Variants in DNAH7 observed in about 807,000 individuals in gnomAD.
DNAH7 encodes axonemal beta dynein heavy chain 7.
In DNAH7, 397 loss-of-function variants were observed where a neutral mutation model predicts 444.6. That is an observed-to-expected ratio of 0.89 (90% confidence interval 0.82 to 0.97). The LOEUF is 0.97. Ranked by LOEUF, DNAH7 falls within the 50% of genes least tolerant of loss-of-function variation. DNAH7 has a pLI of 0.00. For synonymous variants in DNAH7, 1,636 were observed against 1,624.4 expected, an observed-to-expected ratio of 1.01 and a Z score of -0.17; for missense variants, 4,902 against 4,800.8, an observed-to-expected ratio of 1.02 and a Z score of -0.62.
chr2:195,871,439 C>T (rs1466254060), intron 40 of DNAH7, among the ~76,000 whole-genome samples: 1 of 152,150 alleles, frequency 6.6e-6, no homozygotes, highest in African/African-American at 2.4e-5. Flanking sequence ...GCTGGGATTA[C>T]AGGCATGAGC....
At chr2:196,053,936 T>G (rs139830556) in intron 2 of DNAH7, among the ~76,000 whole-genome samples, 2 of 152,268 alleles carry the variant, frequency 1.3e-5, no homozygotes, top group East Asian at 3.9e-4. Flanking sequence ...CTCACACCCA[T>G]GAAGCCCATG....
chr2:195,906,709 T>C lies in DNAH7; in HGVS notation c.4285A>G (p.Thr1429Ala). The C allele has an allele frequency of 1.2e-6, 2 of 1,613,484 alleles. No homozygotes were observed. Among genetic ancestry groups the C allele is most frequent in the Non-Finnish European group, 8.5e-7 (1 of 1,179,576 alleles). Residue 1429 changes from threonine to alanine, a missense_variant, in exon 27 of 65, where the codon ACA (threonine) becomes GCA (alanine). Thr to Ala is a moderately conservative substitution (Grantham distance 58). Transcript: ENST00000312428. Reference protein sequence around the residue: ...KLDPTCAVFITMNPGYAGRSE... With the variant: ...KLDPTCAVFIAMNPGYAGRSE... ...CGCCCAGCATACCCAGGGTTCATTG[T>C]TATAAAGACAGCACATGTGGGGTCA...
chr2:195,906,916 T>G lies in DNAH7; in HGVS notation c.4198A>C (p.Ile1400Leu). Residue 1400 changes from isoleucine (I) to leucine (L), a missense_variant, in exon 26 of 65, where the codon ATC (isoleucine) becomes CTC (leucine). Transcript: ENST00000312428. Reference protein sequence around the residue: ...LSVVAQQILTIQRGINAGADI... With the variant: ...LSVVAQQILTLQRGINAGADI... ...CAAACTAGTCCATTACCTCTTTGGA[T>G]AGTAAGGATTTGTTGAGCAACCACA... 1 of 1,612,844 alleles carries G rather than the reference T, an allele frequency of 6.2e-7. No homozygotes were observed. Among genetic ancestry groups the G allele is most frequent in the Non-Finnish European group, 8.5e-7 (1 of 1,179,352 alleles).
chr2:196,002,301 C>G (rs1449045665), intron 10 of DNAH7, among the ~76,000 whole-genome samples: 1 of 151,912 alleles, frequency 6.6e-6, no homozygotes. Flanking sequence ...GCTATTCTAT[C>G]TGTTTACAGT....
intron 34 of DNAH7, 67 bp downstream of exon 34, chr2:195,886,074 G>A (rs1441265778): frequency 1.1e-5 from 17 of 1,482,194 alleles, no homozygotes; most frequent in Non-Finnish European, 1.5e-5. Flanking sequence ...CACAAATTAG[G>A]AAGCTTTGGG....
At position 195,876,698 on chromosome 2, in the gene DNAH7, T is replaced by C. The variant is rs745758852; in HGVS notation, c.5963A>G (p.Asn1988Ser). 1.9e-6 allele frequency: 3 copies of C among 1,553,990 alleles called. No individual in the cohort carries two copies. The highest frequency in any genetic ancestry group is 2.6e-6 in the Non-Finnish European group (3 of 1,132,804). Residue 1988 changes from asparagine to serine, a missense_variant and splice_region_variant, in exon 37 of 65, where the codon AAT (asparagine) becomes AGT (serine). By Grantham distance (46) the Asn-to-Ser change is conservative. Transcript: ENST00000312428. ...TGTGKSVYIT[N>S]FLLNQLNKEI... ...CTTATTTAGTTGATTTAAAAGAAAA[T>C]TCTATATAACAAAATAATAAAATGA...
chr2:195,837,893 A>G (rs1448228783), intron 47 of DNAH7, among the ~76,000 whole-genome samples: 1 of 152,144 alleles, frequency 6.6e-6, no homozygotes, highest in East Asian at 1.9e-4. Flanking sequence ...AAATTGTGCA[A>G]TAGCAAGGGA....
chr2:196,005,299 C>T (rs1211241112), intron 10 of DNAH7, among the ~76,000 whole-genome samples: 1 of 142,980 alleles, frequency 7.0e-6, no homozygotes, highest in African/African-American at 2.9e-5. Context: ...AACAAACAAA[C>T]AAACAAAAAT....
At chr2:196,060,419 A>C (rs1344998230) in intron 1 of DNAH7, among the ~76,000 whole-genome samples, 1 of 152,102 alleles carries the variant, frequency 6.6e-6, no homozygotes, top group Non-Finnish European at 1.5e-5. Flanking sequence ...CTCAGTCTAA[A>C]GATTTTCTGC....
chr2:195,894,818 T>C, intron 30 of DNAH7, 158 bp downstream of exon 30: 1 of 673,368 alleles, frequency 1.5e-6, no homozygotes, highest in Non-Finnish European at 2.2e-6. Flanking sequence ...GAACTTCCTA[T>C]TTGCTTCATT....
chr2:195,794,629 G>C lies in DNAH7; in HGVS notation c.10516-91C>G, dbSNP rs1018131642. The C allele has an allele frequency of 2.4e-6, 3 of 1,226,444 alleles. No individual in the cohort carries two copies. The African/African-American group carries it at 4.6e-5, about 19-fold the overall frequency. 76.0% of individuals were successfully genotyped at this position (1,226,444 alleles called of 1,614,324 possible). A position where few individuals can be genotyped will look rare whatever the true frequency, so the allele number is the denominator to read the frequency against. On this transcript the variant is annotated intron_variant, in intron 56 of 64. Transcript: ENST00000312428. ...TATGAAGGATGAGTTGGAAGGGGGA[G>C]GAAGTATTTTTACAAAGTAGAAATG...
At chr2:196,027,092 G>A (rs1296971449) in intron 6 of DNAH7, 152 bp from the exon 7 acceptor site, 9 of 571,544 alleles carry the variant, frequency 1.6e-5, no homozygotes, top group Non-Finnish European at 2.7e-5. Flanking sequence ...GGTATTATTT[G>A]AGATCTCCTA....
chr2:195,876,036 G>A (rs1183715295), intron 37 of DNAH7, among the ~76,000 whole-genome samples, 193 bp from the exon 38 acceptor site: 1 of 152,164 alleles, frequency 6.6e-6, no homozygotes, highest in Non-Finnish European at 1.5e-5. Context: ...TTAAGAAATA[G>A]GGAGACATTC....
chr2:195,772,983 G>C (rs1221401795), intron 60 of DNAH7, among the ~76,000 whole-genome samples: 1 of 152,004 alleles, frequency 6.6e-6, no homozygotes, highest in Non-Finnish European at 1.5e-5. Flanking sequence ...GTTTCACCAT[G>C]TTGGCCAGGC....
intron 47 of DNAH7, among the ~76,000 whole-genome samples, chr2:195,834,933 C>T (rs531894818): frequency 6.6e-6 from 1 of 152,196 alleles, no homozygotes; most frequent in Non-Finnish European, 1.5e-5. Flanking sequence ...AGTGTTAACA[C>T]AATTGTTGAC....
At chr2:195,950,851 C>CAAAAAAAAAAAAAAAAAAA (rs67782183) in intron 19 of DNAH7, among the ~76,000 whole-genome samples, 4 of 36,716 alleles carry the variant, frequency 1.1e-4, no homozygotes, top group East Asian at 1.4e-3. Context: ...GACTCTGTCT[C>CAAAAAAAAAAAAAAAAAAA]AAAAAAAAAA....
At chr2:195,774,395 T>A (rs114993018) in intron 60 of DNAH7, among the ~76,000 whole-genome samples, 2,501 of 152,342 alleles carry the variant, frequency 0.016, 35 homozygotes, top group Non-Finnish European at 0.028. Context: ...TTAGAAAATG[T>A]CATAGTAGAG....
At chr2:195,998,930 G>A in intron 12 of DNAH7, 1 of 508,634 alleles carries the variant, frequency 2.0e-6, no homozygotes, top group Non-Finnish European at 3.5e-6. Flanking sequence ...ATGAGAGAAA[G>A]CATGAGTTGA....
chr2:195,740,508 G>A (rs1692934167), intron 64 of DNAH7, among the ~76,000 whole-genome samples: 1 of 151,146 alleles, frequency 6.6e-6, no homozygotes, highest in Non-Finnish European at 1.5e-5. Flanking sequence ...AGGAGCAATG[G>A]TTCAGTATTT....
Sources: gnomAD v4.1 joint callset for allele counts (sites outside exome capture counted in the v4.1 genomes callset) on GRCh38, gnomAD v4.1.1 for gene constraint, MANE v1.5 for transcripts, NCBI Gene and HGNC (gene_info 2026-07-23, HGNC 2026-07-21) for gene names.